AGBL4: variants seen among roughly 807,000 people sequenced by gnomAD.
AGBL4 encodes the protein AGBL carboxypeptidase 4.
AGBL4 carries 58 observed loss-of-function variants against 66.4 expected under a neutral mutation model. That is an observed-to-expected ratio of 0.87 (90% CI 0.71 to 1.09). The LOEUF (loss-of-function observed/expected upper bound fraction) is 1.09, where lower values mean the gene tolerates loss of function less well. Among genes scored for constraint, AGBL4 ranks in the 50% least tolerant of loss-of-function variants. The pLI is 0.00. For synonymous variants in AGBL4, 234 were observed against 222.9 expected (o/e 1.05, Z -0.44); for missense variants, 579 against 631.0 (o/e 0.92, Z 0.88).
intron 3 of AGBL4, among the ~76,000 whole-genome samples, chr1:49,435,225 A>C (rs1645877577): frequency 6.6e-6 from 1 of 152,200 alleles, no homozygotes; most frequent in Non-Finnish European, 1.5e-5. Flanking sequence ...CTGATTGTTC[A>C]TCAAATCAGT....
intron 5 of AGBL4, among the ~76,000 whole-genome samples, chr1:49,024,933 A>C (rs1484867716): frequency 6.6e-6 from 1 of 152,118 alleles, no homozygotes; most frequent in Non-Finnish European, 1.5e-5. Flanking sequence ...TCCAGCCTTG[A>C]TGATCGTTCT....
At chr1:49,294,061 A>T (rs1429069158) in intron 3 of AGBL4, among the ~76,000 whole-genome samples, 1 of 152,224 alleles carries the variant, frequency 6.6e-6, no homozygotes, top group Non-Finnish European at 1.5e-5. Flanking sequence ...GTTTAGAGAC[A>T]CACAATTTAT....
At position 48,667,339 on chromosome 1, in the gene AGBL4, T is replaced by C. The variant is rs72901179; in HGVS notation, c.635-4098A>G. Among the ~76,000 whole-genome samples the C allele has an allele frequency of 4.7e-3, 720 of 152,328 alleles. 2 individuals are homozygous for C. Among genetic ancestry groups the C allele is most frequent in the African/African-American group, 0.016 (660 of 41,576 alleles). Reference sequence around the variant, plus strand: ...CTTGGGGAAGCCAATTGCTATGTCATAAAGGCACTCAGCCTATGGAGAAGC... The same window carrying C: ...CTTGGGGAAGCCAATTGCTATGTCACAAAGGCACTCAGCCTATGGAGAAGC... On this transcript the variant is annotated intron_variant, in intron 6 of 13. Transcript: ENST00000371839.
At chr1:48,534,997 C>T in intron 12 of AGBL4, 81 bp from the exon 13 acceptor site, 2 of 1,303,214 alleles carry the variant, frequency 1.5e-6, no homozygotes, top group Non-Finnish European at 2.2e-6. Context: ...ATTCATCTGT[C>T]ATTGAAGGAT....
At chr1:49,646,710 C>G (rs1645895965) in intron 3 of AGBL4, among the ~76,000 whole-genome samples, 1 of 151,792 alleles carries the variant, frequency 6.6e-6, no homozygotes, top group Admixed American at 6.6e-5. Flanking sequence ...TGCACAGAAT[C>G]CAGAATAGCC....
At chr1:49,417,117 C>T (rs1164680587) in intron 3 of AGBL4, among the ~76,000 whole-genome samples, 1 of 151,984 alleles carries the variant, frequency 6.6e-6, no homozygotes, top group African/African-American at 2.4e-5. Context: ...CAGGTCTATC[C>T]CTTCAGTGTG....
chr1:49,845,161 G>A, intron 2 of AGBL4: 2 of 1,404,470 alleles, frequency 1.4e-6, no homozygotes, highest in Middle Eastern at 1.8e-4. Context: ...GAGACCTTAT[G>A]AATGTCACAA....
chr1:48,691,063 G>T (rs914684358), intron 6 of AGBL4, among the ~76,000 whole-genome samples: 4 of 150,672 alleles, frequency 2.7e-5, no homozygotes, highest in Admixed American at 2.0e-4. Context: ...TACTCCAGAG[G>T]CTGAGGCAGA....
At chr1:49,166,035 G>A (rs1373415535) in intron 4 of AGBL4, among the ~76,000 whole-genome samples, 1 of 151,978 alleles carries the variant, frequency 6.6e-6, no homozygotes, top group Non-Finnish European at 1.5e-5. Context: ...TAGCTAACAA[G>A]GCATTCTAAT....
At chr1:49,752,499 C>G (rs1651556373) in intron 2 of AGBL4, among the ~76,000 whole-genome samples, 1 of 152,098 alleles carries the variant, frequency 6.6e-6, no homozygotes, top group Non-Finnish European at 1.5e-5. Flanking sequence ...GTTATGTGAA[C>G]AGTTCTAGAA....
At chr1:48,794,709 T>A (rs1570690314) in intron 6 of AGBL4, among the ~76,000 whole-genome samples, 1 of 152,204 alleles carries the variant, frequency 6.6e-6, no homozygotes. Context: ...TCAGTCTCCA[T>A]GTAGGCTCCA....
chr1:48,938,883 G>A (rs1655706834), intron 5 of AGBL4, among the ~76,000 whole-genome samples: 1 of 152,154 alleles, frequency 6.6e-6, no homozygotes, highest in Non-Finnish European at 1.5e-5. Context: ...CATCATGCCT[G>A]TTACTGAACA....
chr1:49,880,801 C>G (rs1221153834), intron 1 of AGBL4, among the ~76,000 whole-genome samples: 1 of 151,884 alleles, frequency 6.6e-6, no homozygotes, highest in Non-Finnish European at 1.5e-5. Context: ...GCTGTGCTAG[C>G]AATCAGCGAG....
intron 1 of AGBL4, among the ~76,000 whole-genome samples, chr1:49,874,793 T>G (rs1487209646): frequency 6.6e-6 from 1 of 152,146 alleles, no homozygotes; most frequent in African/African-American, 2.4e-5. Flanking sequence ...TAACAATTTT[T>G]GTTATTTCTA....
intron 3 of AGBL4, among the ~76,000 whole-genome samples, chr1:49,580,683 T>A (rs968806934): frequency 3.3e-5 from 5 of 152,318 alleles, no homozygotes; most frequent in Non-Finnish European, 7.3e-5. Context: ...TACTGACAGT[T>A]TTTTTCTTTC....
chr1:49,742,279 C>T (rs368493941), intron 2 of AGBL4, among the ~76,000 whole-genome samples: 1 of 150,974 alleles, frequency 6.6e-6, no homozygotes, highest in East Asian at 1.9e-4. Context: ...AGAGCCAAAT[C>T]ATGAGTGAAC....
At chr1:49,160,560 T>C (rs1259647936) in intron 4 of AGBL4, among the ~76,000 whole-genome samples, 2 of 152,106 alleles carry the variant, frequency 1.3e-5, no homozygotes, top group Non-Finnish European at 2.9e-5. Context: ...GTCTGACCCT[T>C]AGCAGAGTTC....
At chr1:49,518,027 T>C (rs1281540281) in intron 3 of AGBL4, among the ~76,000 whole-genome samples, 4 of 152,110 alleles carry the variant, frequency 2.6e-5, no homozygotes, top group Non-Finnish European at 4.4e-5. Flanking sequence ...GTGCCTATCA[T>C]TTGCCACATG....
intron 5 of AGBL4, among the ~76,000 whole-genome samples, chr1:49,029,309 T>A (rs899387669): frequency 6.6e-6 from 1 of 152,122 alleles, no homozygotes; most frequent in African/African-American, 2.4e-5. Context: ...TGTGTTTTAA[T>A]CTTAAGGAAT....
Sources: gnomAD v4.1 joint callset for allele counts (sites outside exome capture counted in the v4.1 genomes callset) on GRCh38, gnomAD v4.1.1 for gene constraint, MANE v1.5 for transcripts, NCBI Gene and HGNC (gene_info 2026-07-23, HGNC 2026-07-21) for gene names.